The following DYSF variants were observed in gnomAD, a reference collection of about 807,000 sequenced individuals.
The protein encoded by DYSF is dysferlin, also known as dystrophy-associated fer-1-like 1.
In DYSF, 212 loss-of-function variants were observed where a neutral mutation model predicts 274.9. The observed-to-expected ratio is 0.77, with a 90% CI of 0.69 to 0.86. The LOEUF (loss-of-function observed/expected upper bound fraction) is 0.86, where lower values mean the gene tolerates loss of function less well. Among genes scored for constraint, DYSF ranks in the 40% least tolerant of loss-of-function variants. The pLI is 0.00. For missense variants in DYSF, 2,666 were observed against 2,783.2 expected (o/e 0.96, Z 0.95); for synonymous variants, 1,091 against 1,078.7 (o/e 1.01, Z -0.22).
intron 42 of DYSF, among the ~76,000 whole-genome samples, chr2:71,645,304 A>G (rs531096485): frequency 5.7e-4 from 86 of 151,984 alleles, no homozygotes; most frequent in African/African-American, 2.1e-3. Context: ...CAGAAGGGAG[A>G]TGGAATGGGA....
chr2:71,650,736 C>G (rs1314491844), intron 42 of DYSF, among the ~76,000 whole-genome samples: 1 of 152,118 alleles, frequency 6.6e-6, no homozygotes, highest in African/African-American at 2.4e-5. Flanking sequence ...CCCAAAAGGC[C>G]TCTTCTACCT....
Position 71,535,019 on chromosome 2 carries a change from A to C in DYSF, c.1381-2A>C. On this transcript the variant is annotated splice_acceptor_variant, in intron 14 of 55. Coordinates refer to ENST00000410020, the MANE Select transcript of DYSF (RefSeq NM_001130987.2). LOFTEE classifies it high-confidence loss of function. Reference sequence around the variant, plus strand: ...AACTTGTCCCCTCCCTGTGTCTTCTAGCTGTGCAGCAAGATCTTGGAGAAG... The same window carrying C: ...AACTTGTCCCCTCCCTGTGTCTTCTCGCTGTGCAGCAAGATCTTGGAGAAG... The C allele has an allele frequency of 6.2e-7, 1 of 1,614,082 alleles. No individual in the cohort carries two copies.
intron 35 of DYSF, among the ~76,000 whole-genome samples, chr2:71,602,501 G>A (rs1379986716): frequency 6.6e-6 from 1 of 152,132 alleles, no homozygotes; most frequent in Non-Finnish European, 1.5e-5. Flanking sequence ...GAGATTCCTG[G>A]CGTCCAGGCT....
At chr2:71,619,285 C>T (rs1405634782) in intron 40 of DYSF, among the ~76,000 whole-genome samples, 3 of 152,068 alleles carry the variant, frequency 2.0e-5, no homozygotes, top group Non-Finnish European at 2.9e-5. Context: ...AGGGGTCACA[C>T]GACATGTGGC....
chr2:71,667,570 C>T (rs2095038882), intron 48 of DYSF, 55 bp downstream of exon 48: 1 of 1,609,260 alleles, frequency 6.2e-7, no homozygotes, highest in Admixed American at 1.7e-5. Flanking sequence ...AGCCCCAACC[C>T]CAGGGACAAC....
upstream of DYSF, among the ~76,000 whole-genome samples, chr2:71,464,633 G>A (rs1397523416): frequency 2.0e-5 from 3 of 152,060 alleles, no homozygotes; most frequent in South Asian, 2.1e-4. Context: ...TCAAGGTCAC[G>A]TAAGGGGAGA....
At chr2:71,536,236 C>T (rs753792857) in intron 16 of DYSF, among the ~76,000 whole-genome samples, 2 of 152,198 alleles carry the variant, frequency 1.3e-5, no homozygotes, top group Non-Finnish European at 2.9e-5. Context: ...AGCGTGTTCT[C>T]CTCTGGTCTC....
intron 35 of DYSF, among the ~76,000 whole-genome samples, chr2:71,601,927 C>G (rs550672473): frequency 6.6e-6 from 1 of 152,350 alleles, no homozygotes; most frequent in East Asian, 1.9e-4. Context: ...TACTTCAAGC[C>G]CACTGAAGCA....
intron 50 of DYSF, 88 bp from the exon 51 acceptor site, chr2:71,669,517 C>T: frequency 6.5e-7 from 1 of 1,539,072 alleles, no homozygotes; most frequent in Non-Finnish European, 9.0e-7. Context: ...CATTTACCTT[C>T]TTAACTCCTT....
intron 2 of DYSF, 95 bp downstream of exon 2, chr2:71,481,033 C>A: frequency 7.9e-7 from 1 of 1,271,210 alleles, no homozygotes. Flanking sequence ...GCCTTCTCAG[C>A]AGTGTCCTTG....
intron 41 of DYSF, among the ~76,000 whole-genome samples, chr2:71,642,479 C>G (rs1323215701): frequency 2.6e-5 from 4 of 152,220 alleles, no homozygotes; most frequent in Non-Finnish European, 5.9e-5. Context: ...AACATCAAGG[C>G]TTGGGTCTGC....
At chr2:71,634,384 G>A (rs922932740) in intron 41 of DYSF, among the ~76,000 whole-genome samples, 2 of 152,184 alleles carry the variant, frequency 1.3e-5, no homozygotes, top group African/African-American at 4.8e-5. Context: ...TAACATCAGA[G>A]GGTTAGTTGG....
At chr2:71,524,234 C>T (rs1056199775) in intron 12 of DYSF, among the ~76,000 whole-genome samples, 1 of 152,182 alleles carries the variant, frequency 6.6e-6, no homozygotes, top group Non-Finnish European at 1.5e-5. Context: ...CACCACCCAG[C>T]CCTTTGGTAG....
rs1413680762 is a variant in DYSF, at chr2:71,618,674, T to C, written c.4465-1873T>C. On this transcript the variant is annotated intron_variant, in intron 40 of 55. Coordinates refer to ENST00000410020, the MANE Select transcript of DYSF (RefSeq NM_001130987.2). ...TGTGGCAGAGGAGGTGTGTGTGTGGTAGAGGGATGTGAGTGTGTGTGCGTG... is the reference window on the plus strand; with the variant it reads ...TGTGGCAGAGGAGGTGTGTGTGTGGCAGAGGGATGTGAGTGTGTGTGCGTG... 4.0e-5 allele frequency among the ~76,000 whole-genome samples: 4 copies of C among 99,728 alleles called. 1 individual carries two copies. 65.4% of individuals were successfully genotyped at this position (99,728 alleles called of 152,430 possible). A position where few individuals can be genotyped will look rare whatever the true frequency, so the allele number is the denominator to read the frequency against.
intron 41 of DYSF, among the ~76,000 whole-genome samples, chr2:71,622,890 C>CTTT (rs2094136393): frequency 6.6e-6 from 1 of 152,228 alleles, no homozygotes; most frequent in Non-Finnish European, 1.5e-5. Context: ...GTTGGGATTA[C>CTTT]AGGTGTGAGC....
rs1158483500 is a variant in DYSF at position 71,517,435 on chromosome 2, C to T, written c.1002+396C>T. Among the ~76,000 whole-genome samples, 4 of 152,190 alleles carry T rather than the reference C, an allele frequency of 2.6e-5. No homozygotes were observed. The East Asian group carries it at 7.7e-4, about 29-fold the overall frequency. ...GGTCAGGGGACTTTACATTTCAGAC[C>T]TCCTGAGAATGACATTTGTATACTA... is the stretch of plus-strand genomic sequence containing the variant. On this transcript the variant is annotated intron_variant, in intron 10 of 55. Transcript: ENST00000410020.
chr2:71,678,074 A>C (rs2095249001), intron 52 of DYSF, among the ~76,000 whole-genome samples: 1 of 152,226 alleles, frequency 6.6e-6, no homozygotes, highest in Non-Finnish European at 1.5e-5. Context: ...GCATATACTT[A>C]ATAAGATATC....
chr2:71,481,695 T>TCC (rs71402983), intron 2 of DYSF, among the ~76,000 whole-genome samples, 184 bp from the exon 3 acceptor site: 391 of 124,496 alleles, frequency 3.1e-3, no homozygotes, highest in Non-Finnish European at 3.9e-3. Flanking sequence ...GGTCTTCATC[T>TCC]ATCCATCCAT....
intron 8 of DYSF, 66 bp from the exon 9 acceptor site, chr2:71,516,114 C>G: frequency 6.6e-7 from 1 of 1,507,108 alleles, no homozygotes; most frequent in Non-Finnish European, 9.2e-7. Flanking sequence ...GGGTGGTGGT[C>G]CTCCCTCTCC....
Sources: allele counts gnomAD v4.1 joint callset (sites outside exome capture counted in the v4.1 genomes callset), GRCh38; gene constraint gnomAD v4.1.1; transcripts MANE v1.5; gene names NCBI Gene and HGNC (gene_info 2026-07-23, HGNC 2026-07-21).